The following BAIAP2 variants were observed in gnomAD, a reference collection of about 807,000 sequenced individuals.
BAIAP2 encodes BAR/IMD domain-containing adapter protein 2.
In BAIAP2, 18 loss-of-function variants were observed where a neutral mutation model predicts 63.0. The ratio of observed to expected loss-of-function variants is 0.29; its 90% CI spans 0.20 to 0.42. The LOEUF (loss-of-function observed/expected upper bound fraction) is 0.42. Among genes scored for constraint, BAIAP2 ranks in the 10% least tolerant of loss-of-function variants. BAIAP2 has a pLI of 1.00. For synonymous variants in BAIAP2, 386 were observed against 307.6 expected (o/e 1.25, Z -2.67); for missense variants, 610 against 734.3 (o/e 0.83, Z 1.96).
chr17:81,048,347 ACT>A (rs1184540256), intron 1 of BAIAP2, among the ~76,000 whole-genome samples: 2 of 122,532 alleles, frequency 1.6e-5, no homozygotes, highest in Admixed American at 1.7e-4. Flanking sequence ...ACAGAGCAAG[ACT>A]CTGTCTCAAA....
At chr17:81,108,338 G>C in intron 12 of BAIAP2, 137 bp from the exon 13 acceptor site, 1 of 916,256 alleles carries the variant, frequency 1.1e-6, no homozygotes, top group Non-Finnish European at 1.7e-6. Context: ...GCAGCCAGGA[G>C]ATGGGGAGCC....
At chr17:81,096,914 C>T (rs7221519) in intron 6 of BAIAP2, among the ~76,000 whole-genome samples, 68 of 152,234 alleles carry the variant, frequency 4.5e-4, no homozygotes, top group African/African-American at 1.5e-3. Flanking sequence ...AAGTACTTCG[C>T]GCTCCAGCTG....
In BAIAP2 at chr17:81,101,574, G is replaced by A. The variant is rs564667802; in HGVS notation, c.642+1494G>A. Among the ~76,000 whole-genome samples, 9 of 152,270 alleles carry A rather than the reference G, an allele frequency of 5.9e-5. No individual in the cohort carries two copies. In the East Asian group the frequency reaches 1.2e-3, roughly 20 times the overall value. ...AAAATAAAGGGTTGCAGGGATCCAC[G>A]GGCTATACCTTGACACTTGTTCCCC... On this transcript the variant is annotated intron_variant, in intron 7 of 13. Transcript: ENST00000428708.
Position 81,103,920 on chromosome 17 carries a change from A to G in BAIAP2, c.878A>G (p.Gln293Arg). ...GCTTCCCTGCAGCGGATGTCTGCCC[A>G]GGAGAGCACACCCATCATGAACGGC... is the stretch of plus-strand genomic sequence containing the variant. ...LAPFVGRMSA[Q>R]ESTPIMNGVT... Residue 293 changes from glutamine (Q) to arginine (R), a missense_variant, in exon 9 of 14, where the codon CAG becomes CGG. This residue lies in a region of BAIAP2 where 389 missense variants were observed against 455.6 expected (regional missense o/e 0.85). Transcript: ENST00000428708. 1 of 1,612,986 alleles carries G rather than the reference A, an allele frequency of 6.2e-7. No homozygotes were observed. The highest frequency in any genetic ancestry group is 8.5e-7 in the Non-Finnish European group (1 of 1,180,010).
intron 3 of BAIAP2, among the ~76,000 whole-genome samples, chr17:81,074,496 CTG>C (rs756404147): frequency 1.8e-4 from 26 of 146,078 alleles, no homozygotes; most frequent in Non-Finnish European, 2.4e-4. Context: ...ATGCCTGTGT[CTG>C]TGCGTGCATG....
chr17:81,056,549 G>A (rs34116926), intron 2 of BAIAP2: 11,290 of 152,358 alleles, frequency 0.074, 605 homozygotes, highest in Non-Finnish European at 0.11. Context: ...GTTGCGGTGG[G>A]GGCCGGGGCC....
intron 1 of BAIAP2, among the ~76,000 whole-genome samples, chr17:81,048,542 G>T (rs1283611951): frequency 6.6e-6 from 1 of 152,026 alleles, no homozygotes; most frequent in Admixed American, 6.6e-5. Context: ...CTGCTGCCTT[G>T]TGCCCACACT....
chr17:81,101,309 T>C (rs1484784504), intron 7 of BAIAP2, among the ~76,000 whole-genome samples: 6 of 151,984 alleles, frequency 3.9e-5, no homozygotes, highest in African/African-American at 1.2e-4. Context: ...TGAGCCCCGA[T>C]GTGAGCAAGG....
rs1387815280 is a variant in BAIAP2, at chr17:81,046,743, T to TACATGTGGCCGGG, written c.55-6924_55-6912dup. Among the ~76,000 whole-genome samples the TACATGTGGCCGGG allele has an allele frequency of 6.6e-6, 1 of 151,906 alleles. No individual in the cohort carries two copies. The highest frequency in any genetic ancestry group is 2.4e-5 in the African/African-American group (1 of 41,328). ...TCCTGTACCTCCCTAGTCCATGCTG[T>TACATGTGGCCGGG]ACATGTGGCCGGGGGTTTCCAGGCT... On this transcript the variant is annotated intron_variant, in intron 1 of 13. Transcript: ENST00000428708. This position sits in a 1 kb window ranked among gnomAD's most constrained non-coding sequence, Gnocchi z 4.5.
chr17:81,108,053 G>C (rs925335392), intron 12 of BAIAP2: 89 of 208,806 alleles, frequency 4.3e-4, no homozygotes, highest in Admixed American at 4.8e-4. Context: ...GGAAACTGCA[G>C]CTGGGGTCTG....
chr17:81,093,656 C>T (rs1044636629), intron 6 of BAIAP2, among the ~76,000 whole-genome samples: 3 of 152,098 alleles, frequency 2.0e-5, no homozygotes, highest in East Asian at 1.9e-4. Flanking sequence ...TGGTGGGGGG[C>T]ATTGGTGCCC....
At chr17:81,073,805 G>A (rs1223099701) in intron 3 of BAIAP2, among the ~76,000 whole-genome samples, 1 of 152,154 alleles carries the variant, frequency 6.6e-6, no homozygotes, top group Non-Finnish European at 1.5e-5. Context: ...GAAGTGTGAG[G>A]GGCTCTTCTA....
chr17:81,058,534 C>T (rs907149056), intron 3 of BAIAP2, among the ~76,000 whole-genome samples: 2 of 152,202 alleles, frequency 1.3e-5, no homozygotes, highest in African/African-American at 4.8e-5. Flanking sequence ...TAGACGGAGT[C>T]CATGCTTCCA....
intron 3 of BAIAP2, among the ~76,000 whole-genome samples, chr17:81,069,597 C>T (rs2052190385): frequency 6.6e-6 from 1 of 152,218 alleles, no homozygotes; most frequent in Non-Finnish European, 1.5e-5. Flanking sequence ...CTGCAGTAGC[C>T]CCTTCCTTTT....
At chr17:81,051,422 A>T (rs1181819622) in intron 1 of BAIAP2, among the ~76,000 whole-genome samples, 1 of 151,954 alleles carries the variant, frequency 6.6e-6, no homozygotes, top group African/African-American at 2.4e-5. Context: ...TTTTTTTGAG[A>T]CAGAGTCTCA....
chr17:81,099,862 C>T, intron 6 of BAIAP2, 66 bp from the exon 7 acceptor site: 9 of 1,572,792 alleles, frequency 5.7e-6, no homozygotes, highest in Non-Finnish European at 7.8e-6. Flanking sequence ...CGTGGGGCTG[C>T]CCCAAACCGG....
At chr17:81,108,275 G>A in intron 12 of BAIAP2, 200 bp from the exon 13 acceptor site, 2 of 610,692 alleles carry the variant, frequency 3.3e-6, no homozygotes, top group East Asian at 5.6e-5. Flanking sequence ...TTTAATTTGG[G>A]CAGTCATTAC....
intron 6 of BAIAP2, among the ~76,000 whole-genome samples, chr17:81,099,223 C>T (rs1008018761): frequency 3.3e-5 from 5 of 150,862 alleles, no homozygotes; most frequent in East Asian, 3.9e-4. Flanking sequence ...ATCCTCCCCA[C>T]GAACTTCCTT....
Position 81,116,341 on chromosome 17 carries a change from C to T in BAIAP2, c.*502C>T. ...AGCACGTAATTCCCTGCAGGTCCGG[C>T]AGCTACACCTGGAGTGTGGGGCCTG... On this transcript the variant is annotated 3_prime_UTR_variant, in exon 14 of 14. Transcript: ENST00000428708. 1 of 1,611,188 alleles carries T rather than the reference C, an allele frequency of 6.2e-7. No homozygotes were observed. The highest frequency in any genetic ancestry group is 1.3e-5 in the African/African-American group (1 of 75,024).
Sources: gnomAD v4.1 joint callset for allele counts (sites outside exome capture counted in the v4.1 genomes callset) on GRCh38, gnomAD v4.1.1 for gene constraint, gnomAD v4.1.1 regional missense constraint, Gnocchi (gnomAD v3.1) non-coding constraint, MANE v1.5 for transcripts, NCBI Gene and HGNC (gene_info 2026-07-23, HGNC 2026-07-21) for gene names.